RORA: variants seen among roughly 807,000 people sequenced by gnomAD.
RORA encodes the protein nuclear receptor ROR-alpha.
RORA carries 7 observed loss-of-function variants against 69.5 expected under a neutral mutation model. The observed-to-expected ratio is 0.10, with a 90% CI of 0.06 to 0.19. The LOEUF is 0.19. Among genes scored for constraint, RORA ranks in the 10% least tolerant of loss-of-function variants. The pLI, the probability that RORA is intolerant of heterozygous loss-of-function variation, is 1.00. For missense variants in RORA, 457 were observed against 663.0 expected (o/e 0.69, Z 3.41); for synonymous variants, 261 against 240.8 (o/e 1.08, Z -0.78).
At chr15:61,144,548 T>C (rs1247676064) in intron 1 of RORA, among the ~76,000 whole-genome samples, 1 of 152,128 alleles carries the variant, frequency 6.6e-6, no homozygotes, top group Non-Finnish European at 1.5e-5. Context: ...AAGCAAATAA[T>C]GGCTAGTCCA....
Position 60,495,331 on chromosome 15 carries a change from T to C in RORA, c.*2124A>G, listed in dbSNP as rs187945730. The C allele has an allele frequency of 7.2e-5, 11 of 152,344 alleles. No individual in the cohort carries two copies. Among genetic ancestry groups the C allele is most frequent in the African/African-American group, 2.6e-4 (11 of 41,572 alleles). 9.4% of individuals were successfully genotyped at this position (152,344 alleles called of 1,614,324 possible). ...ACTATATGCTGACAGTTAGCATCTC[T>C]CTATAAACACATAAAATTTTACATG... On this transcript the variant is annotated 3_prime_UTR_variant, in exon 11 of 11. Coordinates refer to ENST00000335670, the MANE Select transcript of RORA (RefSeq NM_134261.3).
intron 1 of RORA, among the ~76,000 whole-genome samples, chr15:61,223,520 A>G (rs1038141602): frequency 6.9e-6 from 1 of 145,956 alleles, no homozygotes; most frequent in Non-Finnish European, 1.5e-5. Flanking sequence ...AGCATTTAAC[A>G]AAAAAAGAAA....
intron 1 of RORA, among the ~76,000 whole-genome samples, chr15:61,041,402 G>C (rs1292349195): frequency 7.3e-6 from 1 of 136,894 alleles, no homozygotes; most frequent in Non-Finnish European, 1.5e-5. Context: ...GAGGAAAGCA[G>C]GAAGGAAGGC....
intron 1 of RORA, among the ~76,000 whole-genome samples, chr15:60,983,423 T>C (rs1382845500): frequency 1.3e-5 from 2 of 152,204 alleles, no homozygotes; most frequent in Non-Finnish European, 2.9e-5. Context: ...CTGTCTCTGG[T>C]GGGGAAAATT....
chr15:61,016,077 C>T (rs774250654), intron 1 of RORA, among the ~76,000 whole-genome samples: 5 of 152,172 alleles, frequency 3.3e-5, no homozygotes, highest in African/African-American at 4.8e-5. Flanking sequence ...AGACTGTAGA[C>T]GGTGTAAAAA....
At chr15:61,030,515 G>C (rs756251179) in intron 1 of RORA, among the ~76,000 whole-genome samples, 1 of 152,188 alleles carries the variant, frequency 6.6e-6, no homozygotes, top group African/African-American at 2.4e-5. Flanking sequence ...GGTTTTAGAA[G>C]AGAAGGAATA....
chr15:61,009,935 G>C (rs1231987227), intron 1 of RORA, among the ~76,000 whole-genome samples: 2 of 152,148 alleles, frequency 1.3e-5, no homozygotes, highest in East Asian at 3.9e-4. Flanking sequence ...AAAAAAATTG[G>C]AGTCTTCAAA....
At chr15:60,635,720 G>T (rs1383468861) in intron 2 of RORA, among the ~76,000 whole-genome samples, 1 of 152,146 alleles carries the variant, frequency 6.6e-6, no homozygotes, top group Non-Finnish European at 1.5e-5. Flanking sequence ...AGAGACTTGG[G>T]CCCTCCACTT....
intron 1 of RORA, among the ~76,000 whole-genome samples, chr15:60,725,179 C>T (rs370063182): frequency 2.6e-4 from 40 of 152,122 alleles, no homozygotes; most frequent in South Asian, 6.2e-4. Context: ...AATTATCTTA[C>T]GAGTTTAGGC....
chr15:61,113,317 G>A (rs1290645953), intron 1 of RORA, among the ~76,000 whole-genome samples: 1 of 152,232 alleles, frequency 6.6e-6, no homozygotes, highest in Non-Finnish European at 1.5e-5. Flanking sequence ...GATGCAGGAA[G>A]TAAGACCAGA....
chr15:60,955,409 T>C (rs553099744), intron 1 of RORA, among the ~76,000 whole-genome samples: 34 of 152,334 alleles, frequency 2.2e-4, no homozygotes, highest in African/African-American at 7.9e-4. Flanking sequence ...TGATAATACA[T>C]ACAAAACATA....
chr15:60,659,612 G>A (rs370476156), intron 2 of RORA, among the ~76,000 whole-genome samples: 5 of 152,070 alleles, frequency 3.3e-5, no homozygotes, highest in Admixed American at 6.6e-5. Context: ...AGAGATCATC[G>A]TTGACTGCCT....
At position 60,495,669 on chromosome 15, in the gene RORA, T is replaced by C. The variant is rs922249153; in HGVS notation, c.*1786A>G. ...ACATAAAGGGCTGCATGGAAACTCC[T>C]ACCTTAACACCCATCGGAGATGTTC... On this transcript the variant is annotated 3_prime_UTR_variant, in exon 11 of 11. Coordinates refer to ENST00000335670, the MANE Select transcript of RORA (RefSeq NM_134261.3). 3 of 152,220 alleles carry C rather than the reference T, an allele frequency of 2.0e-5. No homozygotes were observed. The highest frequency in any genetic ancestry group is 7.2e-5 in the African/African-American group (3 of 41,466). 9.4% of individuals were successfully genotyped at this position (152,220 alleles called of 1,614,324 possible).
At chr15:60,713,792 G>C (rs572307066) in intron 1 of RORA, among the ~76,000 whole-genome samples, 34 of 152,278 alleles carry the variant, frequency 2.2e-4, no homozygotes, top group African/African-American at 7.2e-4. Context: ...CATCTATGAA[G>C]GGCTCAATAC....
At chr15:60,548,762 C>T (rs1029044132) in intron 2 of RORA, among the ~76,000 whole-genome samples, 2 of 152,108 alleles carry the variant, frequency 1.3e-5, no homozygotes, top group Non-Finnish European at 1.5e-5. Flanking sequence ...CTCAGCCTCC[C>T]GAGTAGCTGG....
chr15:61,026,480 CA>C (rs1182229056), intron 1 of RORA, among the ~76,000 whole-genome samples: 1 of 152,160 alleles, frequency 6.6e-6, no homozygotes, highest in African/African-American at 2.4e-5. Flanking sequence ...TATTTAAGTG[CA>C]AAGTGACTCT....
intron 1 of RORA, among the ~76,000 whole-genome samples, chr15:61,117,955 C>T (rs778392573): frequency 2.6e-5 from 4 of 152,170 alleles, no homozygotes; most frequent in Non-Finnish European, 5.9e-5. Flanking sequence ...GGGTTCTAAT[C>T]CCTCCTCCAC....
At chr15:61,034,518 T>G (rs542830240) in intron 1 of RORA, among the ~76,000 whole-genome samples, 65 of 152,256 alleles carry the variant, frequency 4.3e-4, no homozygotes, top group African/African-American at 1.5e-3. Flanking sequence ...AGTTATAGCT[T>G]ACAGGTCAGG....
At chr15:60,729,444 A>C (rs931579463) in intron 1 of RORA, among the ~76,000 whole-genome samples, 1 of 152,212 alleles carries the variant, frequency 6.6e-6, no homozygotes, top group Non-Finnish European at 1.5e-5. Flanking sequence ...GTCCCAGATT[A>C]GTCACTCAAT....
Sources: allele counts gnomAD v4.1 joint callset (sites outside exome capture counted in the v4.1 genomes callset), GRCh38; gene constraint gnomAD v4.1.1; transcripts MANE v1.5; gene names NCBI Gene and HGNC (gene_info 2026-07-23, HGNC 2026-07-21).